Variants in NOX4 observed in about 807,000 individuals in gnomAD.
NOX4 encodes the protein NADPH oxidase 4, also known as kidney oxidase-1.
Under a neutral mutation model 87.6 loss-of-function variants are expected in NOX4, and 69 were observed. The observed-to-expected ratio is 0.79, with a 90% CI of 0.65 to 0.96. The LOEUF (loss-of-function observed/expected upper bound fraction) is 0.96. Ranked by LOEUF, NOX4 falls within the 40% of genes least tolerant of loss-of-function variation. The pLI, the probability that NOX4 is intolerant of heterozygous loss-of-function variation, is 0.00. For synonymous variants in NOX4, 275 were observed against 238.2 expected (o/e 1.15, Z -1.42); for missense variants, 680 against 681.5 (o/e 1.00, Z 0.02).
chr11:89,579,411 G>C, the NOX4 span, among the ~76,000 whole-genome samples: 4 of 152,070 alleles, frequency 2.6e-5, no homozygotes, highest in African/African-American at 7.2e-5. Flanking sequence ...TGGGGACAGA[G>C]AGTGTGTGGG....
chr11:89,468,306 A>G (rs1170049014), intron 2 of NOX4, among the ~76,000 whole-genome samples: 2 of 152,202 alleles, frequency 1.3e-5, no homozygotes, highest in Non-Finnish European at 2.9e-5. Context: ...AAGTGGTATA[A>G]TTTCCTAAAT....
chr11:89,550,499 G>T, the NOX4 span, among the ~76,000 whole-genome samples: 3 of 152,096 alleles, frequency 2.0e-5, no homozygotes, highest in Admixed American at 6.6e-5. Flanking sequence ...TAACTGGCAT[G>T]AGATCCTATC....
At chr11:89,346,898 C>T (rs1946238065) in intron 13 of NOX4, among the ~76,000 whole-genome samples, 1 of 152,150 alleles carries the variant, frequency 6.6e-6, no homozygotes, top group African/African-American at 2.4e-5. Flanking sequence ...GGGTTGGGAT[C>T]CACTACCTGC....
chr11:89,457,019 C>T (rs1170977429), intron 2 of NOX4, among the ~76,000 whole-genome samples: 5 of 152,114 alleles, frequency 3.3e-5, no homozygotes, highest in African/African-American at 1.2e-4. Context: ...GATGGCCAAC[C>T]AAGTTGCTTC....
the NOX4 span, among the ~76,000 whole-genome samples, chr11:89,524,048 C>T: frequency 6.6e-6 from 1 of 152,136 alleles, no homozygotes; most frequent in Non-Finnish European, 1.5e-5. Flanking sequence ...TGGTGGGATG[C>T]AAATGTTCTG....
chr11:89,375,798 G>A (rs576407755), intron 11 of NOX4, among the ~76,000 whole-genome samples: 21 of 152,260 alleles, frequency 1.4e-4, no homozygotes, highest in East Asian at 3.9e-4. Flanking sequence ...CTACCAATCC[G>A]ATTGTCCACA....
the NOX4 span, among the ~76,000 whole-genome samples, chr11:89,537,657 C>A: frequency 1.3e-5 from 2 of 151,844 alleles, no homozygotes; most frequent in Non-Finnish European, 2.9e-5. Flanking sequence ...CTAGTAATGT[C>A]ACTTATCTAA....
In NOX4 at chr11:89,355,456, T is replaced by A. The variant is rs1361710879; in HGVS notation, c.1136-413A>T. ...CTCATATATAAATATAAAAATATAT[T>A]TTTTTTCCTTAATGGTAACATATAT... On this transcript the variant is annotated intron_variant, in intron 12 of 17. Coordinates refer to ENST00000263317, the MANE Select transcript of NOX4 (RefSeq NM_016931.5). 1.4e-4 allele frequency among the ~76,000 whole-genome samples: 21 copies of A among 147,988 alleles called. No individual in the cohort carries two copies. The East Asian group carries it at 3.7e-3, about 26-fold the overall frequency.
chr11:89,329,356 G>GAAAAAAAAAA (rs377055666), intron 17 of NOX4, among the ~76,000 whole-genome samples: 125 of 34,542 alleles, frequency 3.6e-3, no homozygotes, highest in South Asian at 5.6e-3. Context: ...GAAAAAAACT[G>GAAAAAAAAAA]AAAAAAAAAA....
the NOX4 span, among the ~76,000 whole-genome samples, chr11:89,508,292 T>C: frequency 1.3e-5 from 2 of 152,070 alleles, no homozygotes; most frequent in African/African-American, 4.8e-5. Flanking sequence ...GTCTTGTAAA[T>C]GAGCGCCAGC....
intron 11 of NOX4, among the ~76,000 whole-genome samples, chr11:89,391,173 G>A (rs1941095180): frequency 1.3e-5 from 2 of 152,124 alleles, no homozygotes; most frequent in African/African-American, 4.8e-5. Flanking sequence ...GGTCTATGAG[G>A]AGAACAGATA....
intron 12 of NOX4, among the ~76,000 whole-genome samples, chr11:89,365,768 A>AC (rs769345436): frequency 5.3e-5 from 8 of 151,238 alleles, no homozygotes; most frequent in Admixed American, 4.6e-4. Flanking sequence ...AAAAAAAAAA[A>AC]AAAAAAAACA....
intron 12 of NOX4, among the ~76,000 whole-genome samples, chr11:89,356,793 C>T (rs1938094890): frequency 6.6e-6 from 1 of 152,036 alleles, no homozygotes. Context: ...AATTAAGGTG[C>T]TGGATAAATA....
At chr11:89,464,389 A>C (rs1258934648) in intron 2 of NOX4, among the ~76,000 whole-genome samples, 1 of 152,176 alleles carries the variant, frequency 6.6e-6, no homozygotes, top group East Asian at 1.9e-4. Context: ...TTCAGAGTAC[A>C]AAAGGTTCTC....
At chr11:89,403,179 C>G (rs1490988135) in intron 8 of NOX4, among the ~76,000 whole-genome samples, 1 of 152,112 alleles carries the variant, frequency 6.6e-6, no homozygotes, top group East Asian at 1.9e-4. Flanking sequence ...CCATAAAAAT[C>G]TCATTCTGAT....
At chr11:89,468,237 C>A (rs918654155) in intron 2 of NOX4, among the ~76,000 whole-genome samples, 39 of 152,148 alleles carry the variant, frequency 2.6e-4, no homozygotes, top group Admixed American at 6.5e-5. Context: ...TAACTTCCAC[C>A]CACAGAGCTA....
chr11:89,583,645 C>T, the NOX4 span, among the ~76,000 whole-genome samples: 1 of 152,034 alleles, frequency 6.6e-6, no homozygotes, highest in Non-Finnish European at 1.5e-5. Context: ...AATAAGTTAT[C>T]CCCTTAATTA....
chr11:89,583,978 G>A, the NOX4 span, among the ~76,000 whole-genome samples: 2 of 152,082 alleles, frequency 1.3e-5, no homozygotes, highest in Non-Finnish European at 2.9e-5. Context: ...TTGAGTAATG[G>A]TTAAAATCAA....
the NOX4 span, among the ~76,000 whole-genome samples, chr11:89,569,134 T>A: frequency 6.6e-6 from 1 of 151,738 alleles, no homozygotes; most frequent in Non-Finnish European, 1.5e-5. Flanking sequence ...GGAATAAACA[T>A]TCTGGACATA....
Sources: gnomAD v4.1 joint callset for allele counts (sites outside exome capture counted in the v4.1 genomes callset) on GRCh38, gnomAD v4.1.1 for gene constraint, MANE v1.5 for transcripts, NCBI Gene and HGNC (gene_info 2026-07-23, HGNC 2026-07-21) for gene names.